MTR: variants seen among roughly 807,000 people sequenced by gnomAD.
MTR encodes the protein methionine synthase.
In MTR, 84 loss-of-function variants were observed where a neutral mutation model predicts 154.8. The observed-to-expected ratio is 0.54, with a 90% CI of 0.45 to 0.65. MTR has a LOEUF of 0.65. Ranked by LOEUF, MTR falls within the 30% of genes least tolerant of loss-of-function variation. MTR has a pLI of 0.00. For missense variants in MTR, 1,275 were observed against 1,570.2 expected (o/e 0.81, Z 3.18); for synonymous variants, 554 against 553.9 (o/e 1.00, Z 0.00).
rs114690813 is a variant in MTR, at chr1:236,901,852, G to A, written c.*4208G>A. Reference sequence around the variant, plus strand: ...CATTCTGGGGATTCCATTTCAACATGATTTGGGGGATACATCAGACCATAA... The same window carrying A: ...CATTCTGGGGATTCCATTTCAACATAATTTGGGGGATACATCAGACCATAA... On this transcript the variant is annotated 3_prime_UTR_variant, in exon 33 of 33. Transcript: ENST00000366577. The A allele has an allele frequency of 5.5e-3, 834 of 152,308 alleles. 9 individuals carry two copies. Among genetic ancestry groups the A allele is most frequent in the African/African-American group, 0.019 (783 of 41,536 alleles). The allele number at this position is 152,308 out of a possible 1,614,324, so 9.4% of individuals were successfully genotyped here. A position where few individuals can be genotyped will look rare whatever the true frequency, so the allele number is the denominator to read the frequency against.
chr1:236,831,923 A>C, intron 12 of MTR, 43 bp from the exon 13 acceptor site: 1 of 1,369,616 alleles, frequency 7.3e-7, no homozygotes, highest in South Asian at 1.2e-5. Context: ...CATGTCATCC[A>C]TATGCATTTG....
rs1666819583 is a variant in MTR at position 236,899,222 on chromosome 1, A to T, written c.*1578A>T. ...GTTTATATGGAGTAGCAAAGGACTT[A>T]AAATTACCAAATGCTTCTAAATATG... On this transcript the variant is annotated 3_prime_UTR_variant, in exon 33 of 33. Transcript: ENST00000366577. 1 of 152,256 alleles carries T rather than the reference A, an allele frequency of 6.6e-6. No homozygotes were observed. Among genetic ancestry groups the T allele is most frequent in the African/African-American group, 2.4e-5 (1 of 41,476 alleles). The allele number at this position is 152,256 out of a possible 1,614,324, so 9.4% of individuals were successfully genotyped here.
At position 236,900,700 on chromosome 1, in the gene MTR, T is replaced by G. The variant is rs1190545275; in HGVS notation, c.*3056T>G. 2.0e-5 allele frequency: 3 copies of G among 152,354 alleles called. No homozygotes were observed. Among genetic ancestry groups the G allele is most frequent in the African/African-American group, 7.2e-5 (3 of 41,582 alleles). 9.4% of individuals were successfully genotyped at this position (152,354 alleles called of 1,614,324 possible). On this transcript the variant is annotated 3_prime_UTR_variant, in exon 33 of 33. Coordinates refer to ENST00000366577, the MANE Select transcript of MTR (RefSeq NM_000254.3). ...GGTATGGTGATTTTGTAGGTAATGTTTGTATATGTCAAATACAGTTTTTAA... is the reference window on the plus strand; with the variant it reads ...GGTATGGTGATTTTGTAGGTAATGTGTGTATATGTCAAATACAGTTTTTAA...
In MTR at chr1:236,831,949, A is replaced by G; in HGVS notation, c.1076-17A>G. Reference sequence around the variant, plus strand: ...TATGCATTTGCAGAAATTTTTCAAAATGCTTCTCCTTTTAAGGTCTAGAGC... The same window carrying G: ...TATGCATTTGCAGAAATTTTTCAAAGTGCTTCTCCTTTTAAGGTCTAGAGC... On this transcript the variant is annotated splice_polypyrimidine_tract_variant and intron_variant, in intron 12 of 32. Transcript: ENST00000366577. 6.2e-7 allele frequency: 1 copy of G among 1,605,430 alleles called. No individual in the cohort carries two copies. The highest frequency in any genetic ancestry group is 8.5e-7 in the Non-Finnish European group (1 of 1,172,178).
chr1:236,829,306 C>T (rs746551141), intron 12 of MTR, 38 bp downstream of exon 12: 53 of 1,532,042 alleles, frequency 3.5e-5, no homozygotes, highest in Admixed American at 1.8e-4. Context: ...ATTGCAGAAA[C>T]CATTTGTGGA....
At chr1:236,854,593 G>T (rs1487128841) in intron 18 of MTR, among the ~76,000 whole-genome samples, 2 of 152,100 alleles carry the variant, frequency 1.3e-5, no homozygotes, top group Non-Finnish European at 2.9e-5. Flanking sequence ...GGCCAAAGGG[G>T]CATCATAGCC....
intron 24 of MTR, among the ~76,000 whole-genome samples, chr1:236,879,266 A>C (rs539605100): frequency 6.6e-6 from 1 of 152,348 alleles, no homozygotes; most frequent in East Asian, 1.9e-4. Context: ...TTCGATGTGT[A>C]TCTTCCTGTG....
intron 25 of MTR, among the ~76,000 whole-genome samples, chr1:236,883,192 A>AT (rs1002758292): frequency 6.6e-6 from 1 of 152,224 alleles, no homozygotes; most frequent in African/African-American, 2.4e-5. Context: ...ATGAAATGTT[A>AT]TTTTTAAAAA....
chr1:236,875,172 G>A (rs1374006003), intron 24 of MTR, among the ~76,000 whole-genome samples: 1 of 152,204 alleles, frequency 6.6e-6, no homozygotes, highest in Non-Finnish European at 1.5e-5. Context: ...AAACCGAGTG[G>A]AGAAGCTGTG....
At chr1:236,895,285 AG>A in intron 30 of MTR, 72 bp from the exon 31 acceptor site, 1 of 1,497,800 alleles carries the variant, frequency 6.7e-7, no homozygotes, top group African/African-American at 1.4e-5. Flanking sequence ...GTTCTAATTC[AG>A]GGGGTGGAGG....
intron 29 of MTR, among the ~76,000 whole-genome samples, chr1:236,893,633 A>G (rs750214749): frequency 8.5e-5 from 13 of 152,258 alleles, no homozygotes; most frequent in Non-Finnish European, 1.6e-4. Context: ...TTACCTTCTC[A>G]GCAAATATTT....
intron 5 of MTR, among the ~76,000 whole-genome samples, chr1:236,811,301 C>T (rs116687145): frequency 0.015 from 2,233 of 152,184 alleles, 57 homozygotes; most frequent in African/African-American, 0.051. Flanking sequence ...GAATTCAAGA[C>T]GAGATTTGGG....
At chr1:236,890,279 G>GC (rs1666243592) in intron 28 of MTR, among the ~76,000 whole-genome samples, 1 of 152,188 alleles carries the variant, frequency 6.6e-6, no homozygotes, top group Non-Finnish European at 1.5e-5. Flanking sequence ...CTGTCCAGGG[G>GC]CCGTGGGACA....
chr1:236,820,577 G>A (rs1815605), intron 8 of MTR: 200,462 of 526,530 alleles, frequency 0.38, 40,358 homozygotes, highest in East Asian at 0.46. Flanking sequence ...GAAAATAAGC[G>A]TCAGTTTCTT....
At chr1:236,795,867 C>T (rs1053076891) in intron 1 of MTR, 130 bp downstream of exon 1, 6 of 1,427,702 alleles carry the variant, frequency 4.2e-6, no homozygotes, top group Admixed American at 3.7e-5. Flanking sequence ...GTGGGCGGCA[C>T]CTTTAGAACT....
At chr1:236,866,422 C>T (rs1461790143) in intron 22 of MTR, among the ~76,000 whole-genome samples, 1 of 152,116 alleles carries the variant, frequency 6.6e-6, no homozygotes, top group Non-Finnish European at 1.5e-5. Flanking sequence ...AGCCATTCCC[C>T]ATCTCTCTCC....
At position 236,821,645 on chromosome 1, in the gene MTR, C is replaced by T. The variant is rs562737120; in HGVS notation, c.765-2474C>T. On this transcript the variant is annotated intron_variant, in intron 8 of 32. Coordinates refer to ENST00000366577, the MANE Select transcript of MTR (RefSeq NM_000254.3). ...ACCTAAAAACTCATTGCCAAACCCA[C>T]GATCATCTAAATTTTTTCTGTGTTA... is the stretch of plus-strand genomic sequence containing the variant. Among the ~76,000 whole-genome samples the T allele has an allele frequency of 9.9e-5, 15 of 152,220 alleles. No homozygotes were observed. In the South Asian group the frequency reaches 1.2e-3, roughly 13 times the overall value.
intron 8 of MTR, among the ~76,000 whole-genome samples, chr1:236,821,261 C>T (rs559287366): frequency 2.6e-5 from 4 of 152,288 alleles, no homozygotes; most frequent in Admixed American, 6.5e-5. Flanking sequence ...TGCTTTATAA[C>T]GACCCGTTCT....
At chr1:236,851,948 A>G (rs947572477) in intron 16 of MTR, among the ~76,000 whole-genome samples, 1 of 152,140 alleles carries the variant, frequency 6.6e-6, no homozygotes, top group South Asian at 2.1e-4. Context: ...GTATTCTTAT[A>G]TATGTATCTT....
Sources: gnomAD v4.1 joint callset for allele counts (sites outside exome capture counted in the v4.1 genomes callset) on GRCh38, gnomAD v4.1.1 for gene constraint, MANE v1.5 for transcripts, NCBI Gene and HGNC (gene_info 2026-07-23, HGNC 2026-07-21) for gene names.